The following RPP30 variants were observed in gnomAD, a reference collection of about 807,000 sequenced individuals.
RPP30 encodes the protein ribonuclease P/MRP subunit p30.
In RPP30, 36 loss-of-function variants were observed where a neutral mutation model predicts 38.6. That is an observed-to-expected ratio of 0.93 (90% CI 0.71 to 1.23). The LOEUF (loss-of-function observed/expected upper bound fraction) is 1.23. Among genes scored for constraint, RPP30 ranks in the 50% most tolerant of loss-of-function variants. The probability of loss-of-function intolerance (pLI) is 0.00; values close to 1 mark genes in which losing one functional copy is unlikely to be tolerated. For synonymous variants in RPP30, 126 were observed against 112.7 expected (o/e 1.12, Z -0.75); for missense variants, 321 against 321.7 (o/e 1.00, Z 0.02).
chr10:90,889,423 T>A (rs1345573592), intron 6 of RPP30, among the ~76,000 whole-genome samples: 4 of 150,882 alleles, frequency 2.7e-5, no homozygotes, highest in African/African-American at 9.8e-5. Context: ...AATTCTCCTG[T>A]CTCAGCCTCC....
chr10:90,896,415 A>G, intron 10 of RPP30, 23 bp downstream of exon 10: 22 of 1,589,644 alleles, frequency 1.4e-5, no homozygotes, highest in Non-Finnish European at 1.9e-5. Flanking sequence ...TTCCAGTACA[A>G]ACTGAATGGT....
Position 90,879,067 on chromosome 10 carries a change from C to A in RPP30, c.275C>A (p.Ala92Glu). The change falls in exon 5 of 11, where the codon GCA (alanine) becomes GAA (glutamate). Residue 92 changes from alanine to glutamate, a missense_variant. Physicochemically the swap from Ala to Glu is moderately radical, Grantham distance 107. Coordinates refer to ENST00000371703, the MANE Select transcript of RPP30 (RefSeq NM_006413.5). ...SDPSHCNVLR[A>E]TSSRARLYDV... The stretch of plus-strand genomic sequence containing the variant: ...ACATTCTTTTTGTATTCCTAGAGAG[C>A]AACTTCTTCAAGGGCCCGGCTCTAT... The A allele has an allele frequency of 2.5e-6, 4 of 1,613,296 alleles. No individual in the cohort carries two copies. Among genetic ancestry groups the A allele is most frequent in the Non-Finnish European group, 3.4e-6 (4 of 1,179,696 alleles).
intron 5 of RPP30, among the ~76,000 whole-genome samples, chr10:90,885,364 A>G (rs572380329): frequency 1.2e-4 from 18 of 152,314 alleles, no homozygotes; most frequent in Admixed American, 5.2e-4. Flanking sequence ...CAGCCCTGGG[A>G]CAATTCTTGG....
chr10:90,887,103 G>T (rs1847011680), intron 6 of RPP30, among the ~76,000 whole-genome samples: 1 of 152,004 alleles, frequency 6.6e-6, no homozygotes, highest in Admixed American at 6.6e-5. Context: ...GAGCAATTGG[G>T]ACTACAGGTG....
downstream of RPP30, chr10:90,903,244 T>C (rs372530188): frequency 1.1e-5 from 18 of 1,610,562 alleles, no homozygotes; most frequent in Admixed American, 1.7e-5. Flanking sequence ...GAGATCATAC[T>C]CCCAAGAACA....
chr10:90,903,370 A>G, downstream of RPP30: 1 of 707,290 alleles, frequency 1.4e-6, no homozygotes. Context: ...TTAATTTATG[A>G]ATTAGTGATG....
chr10:90,894,658 C>T, intron 6 of RPP30, 117 bp from the exon 7 acceptor site: 2 of 746,948 alleles, frequency 2.7e-6, no homozygotes. Context: ...AAAGCTGTAC[C>T]TTGACATGTA....
At chr10:90,891,396 C>T (rs1271970751) in intron 6 of RPP30, among the ~76,000 whole-genome samples, 1 of 152,216 alleles carries the variant, frequency 6.6e-6, no homozygotes, top group Non-Finnish European at 1.5e-5. Flanking sequence ...CTACCCTATT[C>T]CAATCTGACT....
Position 90,894,119 on chromosome 10 carries a change from G to A in RPP30, c.433-656G>A, listed in dbSNP as rs114733523. Among the ~76,000 whole-genome samples, 1,015 of 152,260 alleles carry A rather than the reference G, an allele frequency of 6.7e-3. 6 individuals are homozygous for A. Among genetic ancestry groups the A allele is most frequent in the African/African-American group, 0.023 (943 of 41,558 alleles). On this transcript the variant is annotated intron_variant, in intron 6 of 10. Coordinates refer to ENST00000371703, the MANE Select transcript of RPP30 (RefSeq NM_006413.5). ...CGGCTATAAGCCCAGTGAAAAATCA[G>A]GGGCTTTATTACTAAAGAAAAAGGA... is the stretch of plus-strand genomic sequence containing the variant.
In RPP30 at chr10:90,872,074, T is replaced by A. The variant is rs1846784018; in HGVS notation, c.82+6T>A. The A allele has an allele frequency of 6.2e-7, 1 of 1,613,264 alleles. No individual in the cohort carries two copies. The highest frequency in any genetic ancestry group is 8.5e-7 in the Non-Finnish European group (1 of 1,179,460). On this transcript the variant is annotated splice_donor_region_variant and intron_variant, in intron 1 of 10. Transcript: ENST00000371703. ...TGTGGAGACAGCCGCTCACCGTGAGTTGCCCCGGCTTCGCGCCTGGCCAAC... is the reference window on the plus strand; with the variant it reads ...TGTGGAGACAGCCGCTCACCGTGAGATGCCCCGGCTTCGCGCCTGGCCAAC...
chr10:90,896,003 T>C (rs917041189), intron 9 of RPP30, 86 bp downstream of exon 9: 2 of 1,026,868 alleles, frequency 1.9e-6, no homozygotes, highest in African/African-American at 1.6e-5. Context: ...ACATGTATTT[T>C]TCTCAACCTT....
chr10:90,896,752 A>C (rs1847143262), intron 10 of RPP30, among the ~76,000 whole-genome samples: 1 of 152,170 alleles, frequency 6.6e-6, no homozygotes, highest in African/African-American at 2.4e-5. Context: ...TATGTTAAAA[A>C]TATGTGTTAA....
At position 90,901,631 on chromosome 10, in the gene RPP30, A is replaced by G. The variant is rs1052678528; in HGVS notation, c.*952A>G. On this transcript the variant is annotated 3_prime_UTR_variant, in exon 11 of 11. Coordinates refer to ENST00000371703, the MANE Select transcript of RPP30 (RefSeq NM_006413.5). ...AAATAGCAAAGCATCGGACTGAACC[A>G]ACTTTGGAAATAATTTATTTTTATA... 4.4e-5 allele frequency: 43 copies of G among 984,986 alleles called. No homozygotes were observed. Among genetic ancestry groups the G allele is most frequent in the Non-Finnish European group, 4.9e-5 (41 of 829,668 alleles). 61.0% of individuals were successfully genotyped at this position (984,986 alleles called of 1,614,324 possible). A position where few individuals can be genotyped will look rare whatever the true frequency, so the allele number is the denominator to read the frequency against.
chr10:90,883,861 TC>T (rs1169557691), intron 5 of RPP30, among the ~76,000 whole-genome samples: 1 of 152,146 alleles, frequency 6.6e-6, no homozygotes, highest in Non-Finnish European at 1.5e-5. Context: ...TAAAATTCCT[TC>T]CCCATTTTTT....
At chr10:90,872,138 A>G in intron 1 of RPP30, 70 bp downstream of exon 1, 1 of 1,304,226 alleles carries the variant, frequency 7.7e-7, no homozygotes, top group Non-Finnish European at 1.1e-6. Context: ...CTCCGGAGTA[A>G]CTATTTCCTG....
chr10:90,898,324 C>G (rs1284225031), intron 10 of RPP30, among the ~76,000 whole-genome samples: 1 of 152,144 alleles, frequency 6.6e-6, no homozygotes, highest in East Asian at 1.9e-4. Flanking sequence ...ACCTTATTAG[C>G]ACTTCTATTC....
chr10:90,877,408 G>A (rs1846866965), intron 4 of RPP30, among the ~76,000 whole-genome samples: 1 of 152,144 alleles, frequency 6.6e-6, no homozygotes, highest in Non-Finnish European at 1.5e-5. Flanking sequence ...GAATGGATGA[G>A]ACTCCCTGGC....
chr10:90,886,865 C>A (rs191845834), intron 6 of RPP30, among the ~76,000 whole-genome samples: 14 of 152,234 alleles, frequency 9.2e-5, no homozygotes, highest in African/African-American at 2.6e-4. Context: ...AATTTTAATT[C>A]TCTTTGGTGC....
At chr10:90,889,878 G>A (rs1177693910) in intron 6 of RPP30, among the ~76,000 whole-genome samples, 1 of 152,168 alleles carries the variant, frequency 6.6e-6, no homozygotes, top group Non-Finnish European at 1.5e-5. Flanking sequence ...CTCTTCTGGA[G>A]TCTAAGTAAC....
Sources: allele counts gnomAD v4.1 joint callset (sites outside exome capture counted in the v4.1 genomes callset), GRCh38; gene constraint gnomAD v4.1.1; transcripts MANE v1.5; gene names NCBI Gene and HGNC (gene_info 2026-07-23, HGNC 2026-07-21).